Variants in VPS13D observed in about 807,000 individuals in gnomAD.
The protein encoded by VPS13D is vacuolar protein sorting 13 homolog D.
In VPS13D, 187 loss-of-function variants were observed where a neutral mutation model predicts 461.9. The ratio of observed to expected loss-of-function variants is 0.40; its 90% confidence interval spans 0.36 to 0.46. The LOEUF (loss-of-function observed/expected upper bound fraction) is 0.46, where lower values mean the gene tolerates loss of function less well. Among genes scored for constraint, VPS13D ranks in the 20% least tolerant of loss-of-function variants. The pLI, the probability that VPS13D is intolerant of heterozygous loss-of-function variation, is 0.60. For missense variants in VPS13D, 4,711 were observed against 5,364.9 expected (o/e 0.88, Z 3.81); for synonymous variants, 1,951 against 1,986.3 (o/e 0.98, Z 0.47).
At chr1:12,499,772 G>A (rs1453517790) in intron 68 of VPS13D, 1 of 985,266 alleles carries the variant, frequency 1.0e-6, no homozygotes, top group Non-Finnish European at 1.2e-6. Context: ...AAGCCATCAG[G>A]GAGTGTGTCG....
rs1223691723 is a variant in VPS13D, at chr1:12,256,370, A to G, written c.707A>G (p.His236Arg). Residue 236 changes from histidine to arginine, a missense_variant, in exon 8 of 70, where the codon CAC becomes CGC. Physicochemically the swap from His to Arg is conservative, Grantham distance 29 (BLOSUM62 0). Transcript: ENST00000620676. The stretch of plus-strand genomic sequence containing the variant: ...AGGAGCATGGAGAGTCGCAGCCATC[A>G]CTACGTCCTGGAGCCTGTGTTTGCA... Reference protein sequence around the residue: ...MARSMESRSHHYVLEPVFASA... With the variant: ...MARSMESRSHRYVLEPVFASA... 1.2e-6 allele frequency: 2 copies of G among 1,614,098 alleles called. No homozygotes were observed. Among genetic ancestry groups the G allele is most frequent in the South Asian group, 1.1e-5 (1 of 91,078 alleles).
chr1:12,297,218 G>C (rs910063287), intron 24 of VPS13D, among the ~76,000 whole-genome samples: 19 of 152,102 alleles, frequency 1.2e-4, no homozygotes, highest in Admixed American at 4.6e-4. Context: ...ATTTTCTGAG[G>C]TCTGTAAATA....
At chr1:12,303,228 A>G (rs986684520) in intron 25 of VPS13D, among the ~76,000 whole-genome samples, 6 of 151,996 alleles carry the variant, frequency 3.9e-5, no homozygotes, top group Admixed American at 3.3e-4. Context: ...GAGTTCCAGG[A>G]CTCCTGTGTG....
chr1:12,314,237 C>T lies in VPS13D; in HGVS notation c.7058C>T (p.Pro2353Leu). 1 of 1,614,194 alleles carries T rather than the reference C, an allele frequency of 6.2e-7. No homozygotes were observed. Residue 2353 changes from proline to leucine, a missense_variant, in exon 30 of 70, where the codon CCT becomes CTT. Physicochemically the swap from Pro to Leu is moderately conservative, Grantham distance 98. Coordinates refer to ENST00000620676, the MANE Select transcript of VPS13D (RefSeq NM_015378.4). ...CGTTATGCTGGGCAGAAGACCAGCCCTGGCATGACGAATGTGTTCAGCTGT... is the reference window on the plus strand; with the variant it reads ...CGTTATGCTGGGCAGAAGACCAGCCTTGGCATGACGAATGTGTTCAGCTGT... ...DTRYAGQKTS[P>L]GMTNVFSCIF... is the part of the protein sequence containing the mutation.
At chr1:12,241,610 C>T (rs1306270387) in intron 2 of VPS13D, among the ~76,000 whole-genome samples, 1 of 152,140 alleles carries the variant, frequency 6.6e-6, no homozygotes, top group African/African-American at 2.4e-5. Flanking sequence ...ATCTAGCTGC[C>T]CTCTTGTCAG....
rs1643970007 is a variant in VPS13D at position 12,362,760 on chromosome 1, C to G, written c.10182C>G (p.Thr3394=). The G allele has an allele frequency of 6.2e-7, 1 of 1,614,056 alleles. No individual in the cohort carries two copies. Among genetic ancestry groups the G allele is most frequent in the South Asian group, 1.1e-5 (1 of 91,086 alleles). ...VKKGRGRYID[T]CMVIFAPRYL... ...AAGGCCGAGGTCGATACATTGATACCTGCATGGTCATCTTTGCCCCCCGTT... is the reference window on the plus strand; with the variant it reads ...AAGGCCGAGGTCGATACATTGATACGTGCATGGTCATCTTTGCCCCCCGTT... The change falls in exon 51 of 70, where the codon ACC becomes ACG. Residue 3394 remains threonine (T), a synonymous_variant. Transcript: ENST00000620676.
At chr1:12,373,362 C>G (rs1644152300) in intron 54 of VPS13D, among the ~76,000 whole-genome samples, 1 of 151,910 alleles carries the variant, frequency 6.6e-6, no homozygotes, top group Non-Finnish European at 1.5e-5. Context: ...TTCAGCAGAT[C>G]CACCTGCCTT....
Position 12,257,088 on chromosome 1 carries a change from G to A in VPS13D, c.941+1G>A. ...AACCCAAGGTGGCGATATCTAAGAA[G>A]TAAGGGCTTCTCAGTGTGGTCATGA... On this transcript the variant is annotated splice_donor_variant, in intron 9 of 69. Coordinates refer to ENST00000620676, the MANE Select transcript of VPS13D (RefSeq NM_015378.4). LOFTEE classifies it high-confidence loss of function. 6.2e-7 allele frequency: 1 copy of A among 1,613,812 alleles called. No individual in the cohort carries two copies. The highest frequency in any genetic ancestry group is 8.5e-7 in the Non-Finnish European group (1 of 1,179,692).
At position 12,276,682 on chromosome 1, in the gene VPS13D, A is replaced by G. The variant is rs1402445744; in HGVS notation, c.3094A>G (p.Thr1032Ala). The G allele has an allele frequency of 1.9e-6, 3 of 1,614,130 alleles. No individual in the cohort carries two copies. The highest frequency in any genetic ancestry group is 2.5e-6 in the Non-Finnish European group (3 of 1,180,028). The change falls in exon 19 of 70, where the codon ACG (threonine) becomes GCG (alanine). Residue 1032 changes from threonine (T) to alanine (A), a missense_variant. Physicochemically the swap from Thr to Ala is moderately conservative, Grantham distance 58 (BLOSUM62 0). Coordinates refer to ENST00000620676, the MANE Select transcript of VPS13D (RefSeq NM_015378.4). This position sits in a 1 kb window ranked among gnomAD's most constrained non-coding sequence, Gnocchi z 4.5. ...SHKNLSFDIPTGSLRDSRAQS... is the reference protein window; with the variant it reads ...SHKNLSFDIPAGSLRDSRAQS... ...TAAGAACTTGAGCTTTGATATTCCA[A>G]CGGGAAGCCTTCGGGATAGCAGGGC... is the stretch of plus-strand genomic sequence containing the variant.
intron 24 of VPS13D, among the ~76,000 whole-genome samples, chr1:12,298,918 A>G (rs1642349171): frequency 6.6e-6 from 1 of 152,156 alleles, no homozygotes; most frequent in Non-Finnish European, 1.5e-5. Flanking sequence ...TTAATGTATT[A>G]TGTCTTCCTT....
intron 58 of VPS13D, among the ~76,000 whole-genome samples, chr1:12,383,724 A>G (rs1644313572): frequency 6.6e-6 from 1 of 152,232 alleles, no homozygotes; most frequent in South Asian, 2.1e-4. Flanking sequence ...TTTACTGAGC[A>G]GCTACTTGAG....
intron 52 of VPS13D, among the ~76,000 whole-genome samples, chr1:12,366,378 C>T (rs1299237393): frequency 6.6e-6 from 1 of 152,094 alleles, no homozygotes; most frequent in East Asian, 1.9e-4. Flanking sequence ...ACTCTAGTGC[C>T]CAAGGGAGCC....
chr1:12,308,760 C>T, intron 27 of VPS13D, 119 bp downstream of exon 27: 1 of 878,754 alleles, frequency 1.1e-6, no homozygotes, highest in Non-Finnish European at 1.7e-6. Context: ...AGTGATTCTC[C>T]TCAGCCTCAG....
chr1:12,437,886 G>A (rs1304531876), intron 65 of VPS13D, among the ~76,000 whole-genome samples: 1 of 152,166 alleles, frequency 6.6e-6, no homozygotes, highest in Non-Finnish European at 1.5e-5. Flanking sequence ...CCAGCTGTTG[G>A]GATGGGAGAC....
At chr1:12,272,314 G>C (rs528555087) in intron 17 of VPS13D, among the ~76,000 whole-genome samples, 1 of 152,206 alleles carries the variant, frequency 6.6e-6, no homozygotes, top group Admixed American at 6.5e-5. Flanking sequence ...TAAGTTATAG[G>C]TGTCAGAGAA....
intron 24 of VPS13D, among the ~76,000 whole-genome samples, chr1:12,298,641 CAAA>C (rs55991526): frequency 3.2e-5 from 4 of 124,382 alleles, no homozygotes; most frequent in Non-Finnish European, 3.5e-5. Flanking sequence ...GACTCTGTCT[CAAA>C]AAAAAAAAAA....
chr1:12,395,105 G>T (rs1644478113), intron 60 of VPS13D, among the ~76,000 whole-genome samples: 1 of 152,070 alleles, frequency 6.6e-6, no homozygotes, highest in Non-Finnish European at 1.5e-5. Flanking sequence ...GGTGTTGGGG[G>T]TGACTCCTGA....
intron 25 of VPS13D, among the ~76,000 whole-genome samples, chr1:12,302,305 T>C (rs1428155912): frequency 6.6e-6 from 1 of 152,150 alleles, no homozygotes; most frequent in African/African-American, 2.4e-5. Flanking sequence ...TAGGAGGAAA[T>C]CAGTTCTAGC....
At chr1:12,435,338 G>A (rs972299389) in intron 65 of VPS13D, among the ~76,000 whole-genome samples, 1 of 152,004 alleles carries the variant, frequency 6.6e-6, no homozygotes, top group Non-Finnish European at 1.5e-5. Context: ...GCACCCGCCT[G>A]TAGTCACACC....
Sources: gnomAD v4.1 joint callset for allele counts (sites outside exome capture counted in the v4.1 genomes callset) on GRCh38, gnomAD v4.1.1 for gene constraint, Gnocchi (gnomAD v3.1) non-coding constraint, MANE v1.5 for transcripts, NCBI Gene and HGNC (gene_info 2026-07-23, HGNC 2026-07-21) for gene names.